MEGF6: variants seen among roughly 807,000 people sequenced by gnomAD.
The protein encoded by MEGF6 is multiple EGF like domains 6, also known as multiple epidermal growth factor-like domains protein 6.
A neutral mutation model predicts 207.1 loss-of-function variants in MEGF6; 184 were observed. The ratio of observed to expected loss-of-function variants is 0.89; its 90% CI spans 0.79 to 1.00. MEGF6 has a LOEUF of 1.00. MEGF6 is among the 50% of genes least tolerant of loss of function. The pLI is 0.00. For synonymous variants in MEGF6, 1,038 were observed against 910.0 expected, an observed-to-expected ratio of 1.14 and a Z score of -2.53; for missense variants, 2,282 against 2,202.9, an observed-to-expected ratio of 1.04 and a Z score of -0.72.
In MEGF6 at chr1:3,560,680, C is replaced by T. The variant is rs921575197; in HGVS notation, c.481+19145G>A. The T allele has an allele frequency of 4.4e-6, 2 of 452,092 alleles. No individual in the cohort carries two copies. The highest frequency in any genetic ancestry group is 2.4e-5 in the Admixed American group (1 of 41,106). The allele number at this position is 452,092 out of a possible 1,614,324, so 28.0% of individuals were successfully genotyped here. ...TGGGGGAGGCTGGGTGCCATCAACC[C>T]CTCCCCATCTGTGGTTTCCAGGGCA... On this transcript the variant is annotated intron_variant, in intron 4 of 36. Coordinates refer to ENST00000356575, the MANE Select transcript of MEGF6 (RefSeq NM_001409.4). This position sits in a 1 kb window ranked among gnomAD's most constrained non-coding sequence, Gnocchi z 4.0.
intron 4 of MEGF6, among the ~76,000 whole-genome samples, chr1:3,538,932 T>C (rs1038067960): frequency 1.3e-5 from 2 of 152,168 alleles, no homozygotes; most frequent in Admixed American, 1.3e-4. Flanking sequence ...GAGCGGAGAA[T>C]GCAGACAGGC....
At chr1:3,499,082 C>A (rs1640737924) in intron 24 of MEGF6, 56 bp downstream of exon 24, 11 of 1,581,108 alleles carry the variant, frequency 7.0e-6, no homozygotes, top group Non-Finnish European at 7.7e-6. Flanking sequence ...CTGCAAGAGG[C>A]CAGCACCCTC....
At chr1:3,502,374 G>A (rs1476998486) in intron 17 of MEGF6, among the ~76,000 whole-genome samples, 2 of 152,166 alleles carry the variant, frequency 1.3e-5, no homozygotes, top group African/African-American at 4.8e-5. Context: ...TCCTGGTCAG[G>A]CCAGTGTGTC....
rs41306996 is a variant in MEGF6 at position 3,524,200 on chromosome 1, G to A, written c.528C>T (p.Cys176=). Residue 176 remains cysteine (C), a synonymous_variant, in exon 5 of 37, where the codon TGC becomes TGT. Transcript: ENST00000356575. The part of the protein sequence containing the change: ...RTHNGGCQHR[C]VNTPGSYLCE... ...AGAGGTAGGAGCCTGGGGTGTTCAC[G>A]CACCGGTGCTGGCAGCCACCGTTGT... 1.3e-5 allele frequency: 21 copies of A among 1,612,880 alleles called. No individual in the cohort carries two copies. The highest frequency in any genetic ancestry group is 6.7e-5 in the African/African-American group (5 of 75,074).
Position 3,490,414 on chromosome 1 carries a change from G to T in MEGF6, c.*114C>A. 1 of 1,191,226 alleles carries T rather than the reference G, an allele frequency of 8.4e-7. No individual in the cohort carries two copies. The highest frequency in any genetic ancestry group is 1.2e-6 in the Non-Finnish European group (1 of 834,550). 73.8% of individuals were successfully genotyped at this position (1,191,226 alleles called of 1,614,324 possible). ...TCCACAGCCCTCCACGGCCCTCAAA[G>T]GAAGGGCAGTACCAGGAGCTCTGGG... On this transcript the variant is annotated 3_prime_UTR_variant, in exon 37 of 37. Transcript: ENST00000356575.
intron 35 of MEGF6, among the ~76,000 whole-genome samples, chr1:3,491,447 TGCCCCGCCCCTCCTCTCCTC>T (rs1276039892): frequency 2.0e-5 from 3 of 152,004 alleles, no homozygotes; most frequent in African/African-American, 7.2e-5. Context: ...CACAGGCTGC[TGCCCCGCCCCTCCTCTCCTC>T]GCCCCGCCCC....
intron 1 of MEGF6, among the ~76,000 whole-genome samples, chr1:3,603,722 C>T (rs1445271734): frequency 1.3e-5 from 2 of 152,126 alleles, no homozygotes; most frequent in African/African-American, 2.4e-5. Context: ...TGTCCAGGCT[C>T]GGTACCGCCC....
Position 3,490,178 on chromosome 1 carries a change from C to T in MEGF6, c.*350G>A, listed in dbSNP as rs1244696259. On this transcript the variant is annotated 3_prime_UTR_variant, in exon 37 of 37. Coordinates refer to ENST00000356575, the MANE Select transcript of MEGF6 (RefSeq NM_001409.4). ...TGCCTGGAGGACAGTGGCCCTGTGC[C>T]TGCACCTGCGCCTGCACCCACACTG... is the stretch of plus-strand genomic sequence containing the variant. 2.9e-6 allele frequency: 1 copy of T among 347,896 alleles called. No homozygotes were observed. Among genetic ancestry groups the T allele is most frequent in the African/African-American group, 2.2e-5 (1 of 45,994 alleles). 21.6% of individuals were successfully genotyped at this position (347,896 alleles called of 1,614,324 possible).
intron 4 of MEGF6, among the ~76,000 whole-genome samples, chr1:3,545,068 G>C (rs1444077479): frequency 1.3e-5 from 2 of 152,260 alleles, no homozygotes; most frequent in Admixed American, 6.5e-5. Context: ...GGCGGGGCCA[G>C]CCCTCTCCCT....
At chr1:3,550,445 G>GA (rs1642849159) in intron 4 of MEGF6, among the ~76,000 whole-genome samples, 1 of 152,242 alleles carries the variant, frequency 6.6e-6, no homozygotes, top group Non-Finnish European at 1.5e-5. Flanking sequence ...AAATGTCTCG[G>GA]AATGAGATAA....
At chr1:3,571,455 TG>T (rs369115922) in intron 4 of MEGF6, among the ~76,000 whole-genome samples, 52 of 151,952 alleles carry the variant, frequency 3.4e-4, no homozygotes, top group African/African-American at 1.2e-3. Flanking sequence ...CCAGACACGC[TG>T]GGTCCTCCCC....
intron 3 of MEGF6, among the ~76,000 whole-genome samples, chr1:3,588,546 G>C (rs1456514961): frequency 3.8e-5 from 4 of 105,406 alleles, no homozygotes; most frequent in African/African-American, 7.1e-5. Context: ...CCAGGAGGGG[G>C]CAGGAGGGGG....
rs546534905 is a variant in MEGF6 at position 3,514,613 on chromosome 1, C to T, written c.790G>A (p.Gly264Ser). ...ACGTGGCACTCACAGCGGGCGAGGC[C>T]CCGGACCACCTGGCACCTGTGCATG... is the stretch of plus-strand genomic sequence containing the variant. ...SCMHRCQVVR[G>S]LARCECHVGY... The change falls in exon 7 of 37, where the codon GGC becomes AGC. Residue 264 changes from glycine to serine, a missense_variant. By Grantham distance (56) the Gly-to-Ser change is moderately conservative. Coordinates refer to ENST00000356575, the MANE Select transcript of MEGF6 (RefSeq NM_001409.4). 5.1e-6 allele frequency: 8 copies of T among 1,579,994 alleles called. No individual in the cohort carries two copies. The Admixed American group carries it at 7.2e-5, about 14-fold the overall frequency.
intron 2 of MEGF6, among the ~76,000 whole-genome samples, chr1:3,602,114 T>C (rs551534929): frequency 6.6e-5 from 10 of 152,346 alleles, no homozygotes; most frequent in South Asian, 6.2e-4. Flanking sequence ...AACAAGGCCC[T>C]AGGGCCAAGA....
chr1:3,525,145 G>A (rs1641913571), intron 4 of MEGF6, among the ~76,000 whole-genome samples: 1 of 152,196 alleles, frequency 6.6e-6, no homozygotes. Flanking sequence ...CCCCGTGCAA[G>A]GACCCAGAAG....
At chr1:3,498,326 TC>T (rs1557717627) in intron 26 of MEGF6, 44 bp downstream of exon 26, 2 of 1,570,424 alleles carry the variant, frequency 1.3e-6, no homozygotes, top group Admixed American at 1.8e-5. Flanking sequence ...TGCCACCCCT[TC>T]CCAGCAGGGC....
Position 3,497,352 on chromosome 1 carries a change from C to T in MEGF6, c.3362G>A (p.Arg1121Gln), listed in dbSNP as rs566841362. 12 of 1,544,250 alleles carry T rather than the reference C, an allele frequency of 7.8e-6. No individual in the cohort carries two copies. Among genetic ancestry groups the T allele is most frequent in the South Asian group, 6.1e-5 (5 of 81,570 alleles). ...TGDKCQSPCL[R>Q]GWFGEACAQR... ...GGCACAGGCCTCTCCAAACCAGCCC[C>T]GCAGGCAGGCTGCAGAAAGATGAGG... is the stretch of plus-strand genomic sequence containing the variant. The change falls in exon 27 of 37, where the codon CGG (arginine) becomes CAG (glutamine). Residue 1121 changes from arginine (R) to glutamine (Q), a missense_variant. Coordinates refer to ENST00000356575, the MANE Select transcript of MEGF6 (RefSeq NM_001409.4).
chr1:3,529,511 G>A (rs1642076504), intron 4 of MEGF6, among the ~76,000 whole-genome samples: 4 of 152,236 alleles, frequency 2.6e-5, no homozygotes, highest in Admixed American at 2.0e-4. Context: ...GCTATTTTAA[G>A]GAACAGCTGG....
At position 3,509,127 on chromosome 1, in the gene MEGF6, G is replaced by A. The variant is rs753640601; in HGVS notation, c.1476C>T (p.Ala492=). ...CCCGCAACTCTGCCTCTTCCTCATCGGCCCCGACGTCGTCATCCTGGAAGA... is the reference window on the plus strand; with the variant it reads ...CCCGCAACTCTGCCTCTTCCTCATCAGCCCCGACGTCGTCATCCTGGAAGA... ...PQLFQDDDVG[A]DEEEAELRGE... Residue 492 remains alanine (A), a synonymous_variant, in exon 12 of 37, where the codon GCC becomes GCT. Coordinates refer to ENST00000356575, the MANE Select transcript of MEGF6 (RefSeq NM_001409.4). 45 of 1,601,440 alleles carry A rather than the reference G, an allele frequency of 2.8e-5. No homozygotes were observed. The highest frequency in any genetic ancestry group is 4.5e-5 in the East Asian group (2 of 44,064).
Sources: allele counts gnomAD v4.1 joint callset (sites outside exome capture counted in the v4.1 genomes callset), GRCh38; gene constraint gnomAD v4.1.1; non-coding constraint Gnocchi (gnomAD v3.1); transcripts MANE v1.5; gene names NCBI Gene and HGNC (gene_info 2026-07-23, HGNC 2026-07-21).